The following DNAH14 variants were observed in gnomAD, a reference collection of about 807,000 sequenced individuals.
DNAH14 encodes the protein axonemal beta dynein heavy chain 14.
A neutral mutation model predicts 520.9 loss-of-function variants in DNAH14; 478 were observed. The ratio of observed to expected loss-of-function variants is 0.92; its 90% CI spans 0.85 to 0.99. The LOEUF (loss-of-function observed/expected upper bound fraction) is 0.99, where lower values mean the gene tolerates loss of function less well. DNAH14 is among the 50% of genes least tolerant of loss of function. The pLI is 0.00. For synonymous variants in DNAH14, 1,581 were observed against 1,757.2 expected (o/e 0.90, Z 2.51); for missense variants, 4,831 against 5,234.5 (o/e 0.92, Z 2.38).
At chr1:225,307,701 T>A in intron 59 of DNAH14, 132 bp downstream of exon 59, 1 of 596,264 alleles carries the variant, frequency 1.7e-6, no homozygotes, top group Non-Finnish European at 2.6e-6. Flanking sequence ...TGTGTACACA[T>A]GAAAAAAATA....
At chr1:225,081,239 T>G (rs2073080195) in intron 19 of DNAH14, among the ~76,000 whole-genome samples, 1 of 152,228 alleles carries the variant, frequency 6.6e-6, no homozygotes, top group Admixed American at 6.5e-5. Flanking sequence ...ATATTTTGTT[T>G]CACCTGGCCA....
chr1:225,317,899 G>C (rs2094495010), intron 60 of DNAH14, among the ~76,000 whole-genome samples: 1 of 152,150 alleles, frequency 6.6e-6, no homozygotes, highest in Admixed American at 6.5e-5. Context: ...ACCCCACCGG[G>C]AAAGTTAGAC....
At chr1:224,976,030 G>GTTT (rs1553351343) in intron 8 of DNAH14, among the ~76,000 whole-genome samples, 11 of 151,692 alleles carry the variant, frequency 7.3e-5, no homozygotes, top group Non-Finnish European at 1.6e-4. Flanking sequence ...ATGTAGTTGA[G>GTTT]CGGTTTTGAG....
rs1391118498 is a variant in DNAH14, at chr1:225,381,391, C to G, written c.12889C>G (p.Pro4297Ala). 1 of 1,534,406 alleles carries G rather than the reference C, an allele frequency of 6.5e-7. No individual in the cohort carries two copies. The highest frequency in any genetic ancestry group is 8.7e-7 in the Non-Finnish European group (1 of 1,143,436). The part of the protein sequence containing the change: ...SLSKNLKDHD[P>A]LIHCVLLTFL... ...TTCTTTTTAAAATCCAGATCACGACCCCCTTATCCATTGTGTCTTGCTAAC... is the reference window on the plus strand; with the variant it reads ...TTCTTTTTAAAATCCAGATCACGACGCCCTTATCCATTGTGTCTTGCTAAC... The change falls in exon 81 of 86, where the codon CCC (proline) becomes GCC (alanine). Residue 4297 changes from proline to alanine, a missense_variant. By Grantham distance (27) the Pro-to-Ala change is conservative. Transcript: ENST00000682510.
At chr1:225,179,886 A>G (rs2149282814) in intron 36 of DNAH14, among the ~76,000 whole-genome samples, 1 of 150,388 alleles carries the variant, frequency 6.6e-6, no homozygotes. Flanking sequence ...TGGCTACAGT[A>G]TTCTCAGTTG....
Position 225,236,915 on chromosome 1 carries a change from T to C in DNAH14, c.6519-3678T>C, listed in dbSNP as rs578054613. Among the ~76,000 whole-genome samples the C allele has an allele frequency of 2.0e-5, 3 of 152,316 alleles. No individual in the cohort carries two copies. In the South Asian group the frequency reaches 6.2e-4, roughly 32 times the overall value. On this transcript the variant is annotated intron_variant, in intron 42 of 85. Coordinates refer to ENST00000682510, the MANE Select transcript of DNAH14 (RefSeq NM_001367479.1). ...TTCCTTTTGTGATTTCATAATCATA[T>C]GTAATCATATACATAATCATATGTA...
intron 64 of DNAH14, 116 bp from the exon 65 acceptor site, chr1:225,331,321 T>C: frequency 1.9e-6 from 2 of 1,029,326 alleles, no homozygotes; most frequent in Non-Finnish European, 2.8e-6. Flanking sequence ...TCCAGAAAGA[T>C]TTTCCAGGAT....
Position 225,333,465 on chromosome 1 carries a change from T to C in DNAH14, c.10039T>C (p.Ser3347Pro). 8 of 1,551,278 alleles carry C rather than the reference T, an allele frequency of 5.2e-6. No individual in the cohort carries two copies. Among genetic ancestry groups the C allele is most frequent in the Non-Finnish European group, 7.0e-6 (8 of 1,146,772 alleles). Reference sequence around the variant, plus strand: ...CATTGAAAATGGCATTTCTTTGTCTTCCAAATTCTCTTTAATTAAAGTTAT... The same window carrying C: ...CATTGAAAATGGCATTTCTTTGTCTCCCAAATTCTCTTTAATTAAAGTTAT... ...FCIENGISLS[S>P]KFSLIKVMAQ... The change falls in exon 66 of 86, where the codon TCC becomes CCC. Residue 3347 changes from serine to proline, a missense_variant. Coordinates refer to ENST00000682510, the MANE Select transcript of DNAH14 (RefSeq NM_001367479.1).
intron 8 of DNAH14, among the ~76,000 whole-genome samples, chr1:224,988,654 A>G (rs2062822444): frequency 6.6e-6 from 1 of 152,096 alleles, no homozygotes; most frequent in Non-Finnish European, 1.5e-5. Flanking sequence ...TTCTATTACA[A>G]ATATATTTTT....
chr1:225,075,230 G>A (rs569560560), intron 17 of DNAH14, among the ~76,000 whole-genome samples: 1 of 152,136 alleles, frequency 6.6e-6, no homozygotes, highest in Non-Finnish European at 1.5e-5. Flanking sequence ...TTCCCTGGGT[G>A]GGGGAGGTTC....
rs111323031 is a variant in DNAH14 at position 225,324,112 on chromosome 1, G to A, written c.9496-110G>A. 4.0e-3 allele frequency: 5,531 copies of A among 1,369,600 alleles called. 90 individuals carry two copies. The African/African-American group carries it at 0.048, about 12-fold the overall frequency. The allele number at this position is 1,369,600 out of a possible 1,614,324, so 84.8% of individuals were successfully genotyped here. A position where few individuals can be genotyped will look rare whatever the true frequency, so the allele number is the denominator to read the frequency against. Reference sequence around the variant, plus strand: ...TTTATAGGCATGAGCCGCCGCCCCCGGCCTGAATATTTTAATATGAAATAA... The same window carrying A: ...TTTATAGGCATGAGCCGCCGCCCCCAGCCTGAATATTTTAATATGAAATAA... On this transcript the variant is annotated intron_variant, in intron 62 of 85. Coordinates refer to ENST00000682510, the MANE Select transcript of DNAH14 (RefSeq NM_001367479.1).
chr1:225,270,747 C>T lies in DNAH14; in HGVS notation c.7552C>T (p.Leu2518=), dbSNP rs1369898369. Residue 2518 remains leucine, a synonymous_variant, in exon 50 of 86, where the codon CTG becomes TTG. Coordinates refer to ENST00000682510, the MANE Select transcript of DNAH14 (RefSeq NM_001367479.1). The part of the protein sequence containing the change: ...EKNTWKNIQD[L]SIVAACVPVV... ...ATCCTTATCACAGAATATTCAAGAT[C>T]TGTCTATAGTTGCAGCTTGTGTTCC... 2.6e-5 allele frequency: 40 copies of T among 1,550,772 alleles called. No homozygotes were observed. The East Asian group carries it at 9.3e-4, about 36-fold the overall frequency.
chr1:225,163,137 C>CAAAAAAA (rs34356854), intron 35 of DNAH14, among the ~76,000 whole-genome samples: 1 of 53,666 alleles, frequency 1.9e-5, no homozygotes, highest in African/African-American at 6.8e-5. Context: ...GACCCTATCT[C>CAAAAAAA]AAAAAAAAAA....
intron 21 of DNAH14, among the ~76,000 whole-genome samples, chr1:225,093,882 A>G (rs1339543876): frequency 1.3e-5 from 2 of 152,198 alleles, no homozygotes; most frequent in Non-Finnish European, 2.9e-5. Context: ...TCCCATTCAC[A>G]ATAGTCACAA....
chr1:225,222,065 G>A (rs956170948), intron 41 of DNAH14, among the ~76,000 whole-genome samples: 3 of 152,122 alleles, frequency 2.0e-5, no homozygotes, highest in African/African-American at 4.8e-5. Context: ...ACGCTGTCAG[G>A]CAACCTGTGT....
At chr1:225,166,373 T>C (rs974341625) in intron 35 of DNAH14, among the ~76,000 whole-genome samples, 3 of 152,218 alleles carry the variant, frequency 2.0e-5, no homozygotes, top group African/African-American at 7.2e-5. Context: ...ATTTTTACAT[T>C]AATAACTATG....
At chr1:224,953,394 G>A (rs552130314) in intron 2 of DNAH14, among the ~76,000 whole-genome samples, 6 of 152,084 alleles carry the variant, frequency 3.9e-5, no homozygotes, top group East Asian at 3.9e-4. Flanking sequence ...AAATAAATAC[G>A]ATTTTTTAAA....
rs200788239 is a variant in DNAH14 at position 225,335,203 on chromosome 1, A to ATG, written c.10080+1697_10080+1698insTG. Among the ~76,000 whole-genome samples the ATG allele has an allele frequency of 6.1e-3, 872 of 141,948 alleles. 12 individuals are homozygous for ATG. Among genetic ancestry groups the ATG allele is most frequent in the Middle Eastern group, 0.012 (3 of 258 alleles). 93.1% of individuals were successfully genotyped at this position (141,948 alleles called of 152,430 possible). On this transcript the variant is annotated intron_variant, in intron 66 of 85. Transcript: ENST00000682510. Reference sequence around the variant, plus strand: ...TGCGCATGTGTGTATATATGCACACACGTACATGTGTGTATATATGCACAT... The same window carrying ATG: ...TGCGCATGTGTGTATATATGCACACATGCGTACATGTGTGTATATATGCACAT...
At chr1:224,989,601 G>A (rs532827493) in intron 8 of DNAH14, among the ~76,000 whole-genome samples, 25 of 152,204 alleles carry the variant, frequency 1.6e-4, no homozygotes, top group African/African-American at 5.8e-4. Context: ...CCAGCATTAT[G>A]TCGAATAAGT....
Sources: gnomAD v4.1 joint callset for allele counts (sites outside exome capture counted in the v4.1 genomes callset) on GRCh38, gnomAD v4.1.1 for gene constraint, MANE v1.5 for transcripts, NCBI Gene and HGNC (gene_info 2026-07-23, HGNC 2026-07-21) for gene names.